ZNF536: variants seen among roughly 807,000 people sequenced by gnomAD.
ZNF536 encodes the protein zinc finger protein 536.
ZNF536 carries 13 observed loss-of-function variants against 84.5 expected under a neutral mutation model. The observed-to-expected ratio is 0.15, with a 90% CI of 0.10 to 0.24. The LOEUF (loss-of-function observed/expected upper bound fraction) is 0.24, where lower values mean the gene tolerates loss of function less well. ZNF536 is among the 10% of genes least tolerant of loss of function. ZNF536 has a pLI of 1.00. For missense variants in ZNF536, 1,536 were observed against 1,747.5 expected (o/e 0.88, Z 2.16); for synonymous variants, 811 against 742.5 (o/e 1.09, Z -1.50).
At chr19:30,508,383 T>G (rs2145466557) in intron 2 of ZNF536, among the ~76,000 whole-genome samples, 1 of 152,324 alleles carries the variant, frequency 6.6e-6, no homozygotes. Context: ...AGGACCTTTC[T>G]TCTGGTCACT....
intron 1 of ZNF536, among the ~76,000 whole-genome samples, chr19:30,425,158 T>G (rs80291498): frequency 0.038 from 5,740 of 151,930 alleles, 165 homozygotes; most frequent in Middle Eastern, 0.11. Flanking sequence ...GTTCTGGTGA[T>G]GGGTGCACCA....
intron 2 of ZNF536, among the ~76,000 whole-genome samples, chr19:30,488,857 T>C (rs989936060): frequency 3.3e-5 from 5 of 152,238 alleles, no homozygotes; most frequent in African/African-American, 1.2e-4. Flanking sequence ...AAGATTGGCC[T>C]ATGGCTTTTA....
intron 1 of ZNF536, among the ~76,000 whole-genome samples, chr19:30,422,661 A>G (rs1254789649): frequency 6.6e-6 from 1 of 152,112 alleles, no homozygotes; most frequent in Admixed American, 6.6e-5. Flanking sequence ...TGCCCATTCC[A>G]TCTATCCATC....
At chr19:30,282,826 C>T (rs1205132717) in intron 1 of ZNF536, among the ~76,000 whole-genome samples, 1 of 152,206 alleles carries the variant, frequency 6.6e-6, no homozygotes. Context: ...GAGAGAGAGA[C>T]AGACAGACAG....
At chr19:30,712,954 A>G (rs1435395785) in exon 2 of ZNF536, 1 of 152,104 alleles carries the variant, frequency 6.6e-6, no homozygotes, top group African/African-American at 2.4e-5. Flanking sequence ...ACATAAAAAA[A>G]AAAGAAAAAA....
At chr19:30,480,309 TCTC>T (rs1403041988) in intron 2 of ZNF536, among the ~76,000 whole-genome samples, 1 of 152,152 alleles carries the variant, frequency 6.6e-6, no homozygotes, top group Admixed American at 6.5e-5. Flanking sequence ...AACAATCCCT[TCTC>T]CTCTTCTCCT....
chr19:30,233,012 G>A (rs1272974207), intron 1 of ZNF536, among the ~76,000 whole-genome samples: 2 of 152,210 alleles, frequency 1.3e-5, no homozygotes, highest in African/African-American at 4.8e-5. Flanking sequence ...CTACCTTTGG[G>A]GACTGCACAA....
chr19:30,457,992 G>A (rs2052935991), intron 2 of ZNF536, among the ~76,000 whole-genome samples: 1 of 152,192 alleles, frequency 6.6e-6, no homozygotes, highest in African/African-American at 2.4e-5. Flanking sequence ...TATGAGAATG[G>A]GTGGAAGTGA....
At chr19:30,666,893 G>T (rs901981167) in intron 1 of ZNF536, among the ~76,000 whole-genome samples, 4 of 151,460 alleles carry the variant, frequency 2.6e-5, no homozygotes, top group African/African-American at 9.7e-5. Flanking sequence ...TATTCACATT[G>T]AAAATCCAGG....
At chr19:30,484,024 A>C (rs867030655) in intron 2 of ZNF536, among the ~76,000 whole-genome samples, 2 of 151,898 alleles carry the variant, frequency 1.3e-5, no homozygotes, top group Middle Eastern at 6.8e-3. Flanking sequence ...CTTCCTTTGG[A>C]AGTCATCCCC....
chr19:30,366,135 G>A (rs939596961), intron 3 of ZNF536, among the ~76,000 whole-genome samples: 1 of 152,110 alleles, frequency 6.6e-6, no homozygotes, highest in Non-Finnish European at 1.5e-5. Flanking sequence ...CTGTCTTCAT[G>A]GTCCTTCCCT....
chr19:30,439,650 T>C (rs1024002224), intron 1 of ZNF536, among the ~76,000 whole-genome samples: 1 of 152,194 alleles, frequency 6.6e-6, no homozygotes, highest in Admixed American at 6.5e-5. Flanking sequence ...ACTGTCGTGG[T>C]CCTTTCTCCC....
At chr19:30,480,286 G>A (rs1219412985) in intron 2 of ZNF536, among the ~76,000 whole-genome samples, 3 of 152,158 alleles carry the variant, frequency 2.0e-5, no homozygotes, top group Non-Finnish European at 4.4e-5. Context: ...ACCTCTCCTT[G>A]CAGGGCAGAC....
At chr19:30,321,310 A>G (rs1025454071) in intron 2 of ZNF536, among the ~76,000 whole-genome samples, 1 of 152,174 alleles carries the variant, frequency 6.6e-6, no homozygotes, top group Non-Finnish European at 1.5e-5. Flanking sequence ...TAATCCCAGC[A>G]CTTTAGGCGG....
chr19:30,413,381 C>T (rs1194245719), intron 1 of ZNF536, among the ~76,000 whole-genome samples: 1 of 152,122 alleles, frequency 6.6e-6, no homozygotes, highest in Non-Finnish European at 1.5e-5. Context: ...TTTGACTACC[C>T]TCTTAACCAC....
chr19:30,474,581 G>C (rs1225773427), intron 2 of ZNF536, among the ~76,000 whole-genome samples: 1 of 152,122 alleles, frequency 6.6e-6, no homozygotes, highest in Non-Finnish European at 1.5e-5. Context: ...GCACTGATGT[G>C]TTGTCAAGGG....
At chr19:30,386,221 G>A (rs1013729353) in intron 1 of ZNF536, among the ~76,000 whole-genome samples, 1 of 152,138 alleles carries the variant, frequency 6.6e-6, no homozygotes, top group Admixed American at 6.5e-5. Flanking sequence ...GCAAGAGCCA[G>A]CTGAAAACTC....
chr19:30,655,255 G>A (rs1220266329), intron 1 of ZNF536, among the ~76,000 whole-genome samples: 3 of 152,188 alleles, frequency 2.0e-5, no homozygotes, highest in African/African-American at 7.2e-5. Flanking sequence ...AGACTGCATA[G>A]GGGTAGCCGG....
At chr19:30,442,977 T>A (rs1318072486) in intron 1 of ZNF536, among the ~76,000 whole-genome samples, 1 of 152,186 alleles carries the variant, frequency 6.6e-6, no homozygotes, top group African/African-American at 2.4e-5. Context: ...ACTTTATTTT[T>A]TCCCAAAACA....
Sources: allele counts gnomAD v4.1 joint callset (sites outside exome capture counted in the v4.1 genomes callset), GRCh38; gene constraint gnomAD v4.1.1; transcripts MANE v1.5; gene names NCBI Gene and HGNC (gene_info 2026-07-23, HGNC 2026-07-21).